The following KCND2 variants were observed in gnomAD, a reference collection of about 807,000 sequenced individuals.
KCND2 encodes the protein potassium voltage-gated channel subfamily D member 2, also known as A-type voltage-gated potassium channel KCND2.
KCND2 carries 16 observed loss-of-function variants against 54.4 expected under a neutral mutation model. The observed-to-expected ratio is 0.29, with a 90% confidence interval of 0.20 to 0.45. The LOEUF is 0.45. Among genes scored for constraint, KCND2 ranks in the 20% least tolerant of loss-of-function variants. The pLI, the probability that KCND2 is intolerant of heterozygous loss-of-function variation, is 1.00. For missense variants in KCND2, 486 were observed against 824.2 expected, an observed-to-expected ratio of 0.59 and a Z score of 5.02; for synonymous variants, 317 against 310.7, an observed-to-expected ratio of 1.02 and a Z score of -0.21.
At chr7:120,635,750 A>G (rs991707156) in intron 1 of KCND2, among the ~76,000 whole-genome samples, 2 of 152,208 alleles carry the variant, frequency 1.3e-5, no homozygotes, top group African/African-American at 4.8e-5. Flanking sequence ...TTTTTAAACC[A>G]TCCAAATTTA....
chr7:120,351,402 A>T (rs1228402589), intron 1 of KCND2, among the ~76,000 whole-genome samples: 6 of 138,788 alleles, frequency 4.3e-5, no homozygotes, highest in African/African-American at 1.8e-4. Context: ...ACACACACAC[A>T]CACACACACA....
intron 1 of KCND2, among the ~76,000 whole-genome samples, chr7:120,710,574 G>C (rs1242669652): frequency 6.6e-6 from 1 of 152,018 alleles, no homozygotes; most frequent in African/African-American, 2.4e-5. Context: ...AGTTTCTCCT[G>C]ACATAATCCC....
intron 1 of KCND2, among the ~76,000 whole-genome samples, chr7:120,590,310 C>A (rs1562881459): frequency 6.6e-6 from 1 of 152,158 alleles, no homozygotes; most frequent in Non-Finnish European, 1.5e-5. Context: ...AGCCACTGTG[C>A]CTGGCTAGGG....
At chr7:120,402,904 C>T (rs1801285779) in intron 1 of KCND2, among the ~76,000 whole-genome samples, 1 of 152,086 alleles carries the variant, frequency 6.6e-6, no homozygotes, top group East Asian at 1.9e-4. Context: ...TGTTGAGTGA[C>T]AGAATAGATA....
intron 1 of KCND2, among the ~76,000 whole-genome samples, chr7:120,368,296 G>A (rs1205663345): frequency 6.6e-6 from 1 of 151,876 alleles, no homozygotes; most frequent in South Asian, 2.1e-4. Context: ...AGGATAAGAT[G>A]GAGAGTTTTT....
At chr7:120,687,289 G>A (rs1792214212) in intron 1 of KCND2, among the ~76,000 whole-genome samples, 1 of 152,088 alleles carries the variant, frequency 6.6e-6, no homozygotes, top group African/African-American at 2.4e-5. Flanking sequence ...GGAAGAAATA[G>A]GAAGTCGATC....
At chr7:120,539,605 G>A (rs1322654486) in intron 1 of KCND2, among the ~76,000 whole-genome samples, 2 of 152,092 alleles carry the variant, frequency 1.3e-5, no homozygotes, top group African/African-American at 2.4e-5. Flanking sequence ...GGAGACACAG[G>A]AACAACCTTT....
At chr7:120,556,313 G>T (rs1271718482) in intron 1 of KCND2, among the ~76,000 whole-genome samples, 2 of 152,040 alleles carry the variant, frequency 1.3e-5, no homozygotes, top group Non-Finnish European at 2.9e-5. Context: ...TTAAGTGTTG[G>T]CCTGATCACC....
chr7:120,728,413 T>A (rs886942756), intron 1 of KCND2, among the ~76,000 whole-genome samples: 4 of 151,348 alleles, frequency 2.6e-5, no homozygotes, highest in African/African-American at 9.7e-5. Context: ...TGCCTCAGCC[T>A]CCCAAGTAGC....
chr7:120,419,340 TA>T (rs1036339175), intron 1 of KCND2, among the ~76,000 whole-genome samples: 4 of 151,898 alleles, frequency 2.6e-5, no homozygotes, highest in African/African-American at 9.7e-5. Flanking sequence ...CTTTTGCATT[TA>T]AAAAAAATAA....
intron 1 of KCND2, among the ~76,000 whole-genome samples, chr7:120,538,765 G>GC (rs1791943070): frequency 6.6e-6 from 1 of 152,172 alleles, no homozygotes; most frequent in Admixed American, 6.5e-5. Context: ...ATGGGCAGGA[G>GC]GCCGATATGG....
In KCND2 at chr7:120,748,691, G is replaced by A. The variant is rs13238793; in HGVS notation, c.*833G>A. On this transcript the variant is annotated 3_prime_UTR_variant, in exon 6 of 6. Transcript: ENST00000331113. ...TATAGATACGGTAAGAGCCACATTC[G>A]TAGAAAAACTTCTGGTGTGGCCAGG... 6.6e-6 allele frequency: 1 copy of A among 152,300 alleles called. No homozygotes were observed. The highest frequency in any genetic ancestry group is 2.4e-5 in the African/African-American group (1 of 41,416). 9.4% of individuals were successfully genotyped at this position (152,300 alleles called of 1,614,324 possible).
intron 1 of KCND2, among the ~76,000 whole-genome samples, chr7:120,639,118 A>G (rs1363681945): frequency 1.3e-5 from 2 of 152,184 alleles, no homozygotes; most frequent in African/African-American, 4.8e-5. Context: ...GCATTACTGA[A>G]TAAAGCCTGT....
intron 1 of KCND2, among the ~76,000 whole-genome samples, chr7:120,303,251 T>G (rs980302931): frequency 1.3e-5 from 2 of 152,306 alleles, no homozygotes; most frequent in Middle Eastern, 6.8e-3. Context: ...AAGAGTAGAT[T>G]ATGAGTTTTG....
intron 1 of KCND2, among the ~76,000 whole-genome samples, chr7:120,635,786 C>T (rs116154845): frequency 7.9e-4 from 120 of 152,096 alleles, no homozygotes; most frequent in African/African-American, 2.8e-3. Flanking sequence ...AGATAATTGC[C>T]AGGATAAAAT....
intron 1 of KCND2, among the ~76,000 whole-genome samples, chr7:120,443,267 T>C (rs1801968246): frequency 6.6e-6 from 1 of 151,908 alleles, no homozygotes; most frequent in South Asian, 2.1e-4. Flanking sequence ...ATATTAGATA[T>C]GGTTTCCTCC....
intron 1 of KCND2, among the ~76,000 whole-genome samples, chr7:120,332,398 C>A (rs1800081947): frequency 6.6e-6 from 1 of 152,058 alleles, no homozygotes; most frequent in Admixed American, 6.5e-5. Flanking sequence ...ATCAGTGATA[C>A]ATTTACAAAC....
intron 1 of KCND2, among the ~76,000 whole-genome samples, chr7:120,558,062 A>G (rs1792185934): frequency 6.6e-6 from 1 of 152,074 alleles, no homozygotes; most frequent in Non-Finnish European, 1.5e-5. Context: ...TTCCCCTGAT[A>G]TCTTTATTAT....
At chr7:120,661,095 G>T (rs1791860112) in intron 1 of KCND2, among the ~76,000 whole-genome samples, 1 of 152,060 alleles carries the variant, frequency 6.6e-6, no homozygotes, top group South Asian at 2.1e-4. Flanking sequence ...ATACCCAATA[G>T]GGTTGATATC....
Sources: gnomAD v4.1 joint callset for allele counts (sites outside exome capture counted in the v4.1 genomes callset) on GRCh38, gnomAD v4.1.1 for gene constraint, MANE v1.5 for transcripts, NCBI Gene and HGNC (gene_info 2026-07-23, HGNC 2026-07-21) for gene names.